The following LZTS1 variants were observed in gnomAD, a reference collection of about 807,000 sequenced individuals.
The protein encoded by LZTS1 is leucine zipper putative tumor suppressor 1.
LZTS1 carries 31 observed loss-of-function variants against 45.8 expected under a neutral mutation model. The ratio of observed to expected loss-of-function variants is 0.68; its 90% CI spans 0.51 to 0.91. LZTS1 has a LOEUF of 0.91. Among genes scored for constraint, LZTS1 ranks in the 40% least tolerant of loss-of-function variants. LZTS1 has a pLI of 0.00. For synonymous variants in LZTS1, 359 were observed against 357.3 expected (o/e 1.00, Z -0.05); for missense variants, 821 against 788.9 (o/e 1.04, Z -0.49).
Position 20,250,103 on chromosome 8 carries a change from CAGG to C in LZTS1, c.1407_1409del (p.Asn469_Leu470delinsLys). On this transcript the variant is annotated inframe_deletion, in exon 4 of 4. Transcript: ENST00000381569. Reference sequence around the variant, plus strand: ...GCAGCTCCTGCAGCTCCTGCTCCAGCAGGTTCACCTTCTCCCGCAGCAGCTCCG... The same window carrying C: ...GCAGCTCCTGCAGCTCCTGCTCCAGCTTCACCTTCTCCCGCAGCAGCTCCG... The C allele has an allele frequency of 6.2e-7, 1 of 1,607,342 alleles. No individual in the cohort carries two copies. Among genetic ancestry groups the C allele is most frequent in the Non-Finnish European group, 8.5e-7 (1 of 1,179,356 alleles).
chr8:20,246,182 G>A lies in LZTS1; in HGVS notation c.*3540C>T, dbSNP rs373554097. ...CGTGGCTCTAGAGGGCGTGAGAAAT[G>A]GCATTCTTTATTCATAAATAAAAAC... is the stretch of plus-strand genomic sequence containing the variant. On this transcript the variant is annotated 3_prime_UTR_variant, in exon 4 of 4. Coordinates refer to ENST00000381569, the MANE Select transcript of LZTS1 (RefSeq NM_021020.5). 2.6e-4 allele frequency: 39 copies of A among 152,756 alleles called. No individual in the cohort carries two copies. Among genetic ancestry groups the A allele is most frequent in the African/African-American group, 9.4e-4 (39 of 41,564 alleles). The allele number at this position is 152,756 out of a possible 1,614,324, so 9.5% of individuals were successfully genotyped here.
chr8:20,269,131 A>G (rs767778104), intron 1 of LZTS1, among the ~76,000 whole-genome samples: 6 of 152,150 alleles, frequency 3.9e-5, no homozygotes, highest in Non-Finnish European at 7.4e-5. Context: ...AGCTCATGCA[A>G]ATTTCACCCT....
intron 1 of LZTS1, among the ~76,000 whole-genome samples, chr8:20,273,379 T>C (rs1179913929): frequency 6.6e-6 from 1 of 152,150 alleles, no homozygotes; most frequent in African/African-American, 2.4e-5. Context: ...TTTAGATCGT[T>C]ATCTGCAGCC....
intron 1 of LZTS1, chr8:20,290,413 G>A (rs1255735099): frequency 6.6e-6 from 1 of 152,322 alleles, no homozygotes. Context: ...GAGAAGGAAG[G>A]CAATACGGAG....
rs149934548 is a variant in LZTS1, at chr8:20,252,743, C to T, written c.1149+39G>A. 9,277 of 1,478,390 alleles carry T rather than the reference C, an allele frequency of 6.3e-3. 36 individuals carry two copies. Among genetic ancestry groups the T allele is most frequent in the Non-Finnish European group, 7.6e-3 (8,442 of 1,111,976 alleles). The allele number at this position is 1,478,390 out of a possible 1,614,324, so 91.6% of individuals were successfully genotyped here. A position where few individuals can be genotyped will look rare whatever the true frequency, so the allele number is the denominator to read the frequency against. On this transcript the variant is annotated intron_variant, in intron 3 of 3. Coordinates refer to ENST00000381569, the MANE Select transcript of LZTS1 (RefSeq NM_021020.5). ...GGAGAGGGGGGTACTGGCGCCAAAC[C>T]GCTGACCACCCAAACCCATGAGCCC...
At chr8:20,302,284 A>G (rs997982747) in intron 1 of LZTS1, among the ~76,000 whole-genome samples, 5 of 152,128 alleles carry the variant, frequency 3.3e-5, no homozygotes, top group African/African-American at 1.2e-4. Flanking sequence ...GCCACGCCTG[A>G]TTAGCCTGCA....
rs1429838769 is a variant in LZTS1, at chr8:20,251,130, TATATATATATATATATATAA to T, written c.1150-787_1150-768del. On this transcript the variant is annotated intron_variant, in intron 3 of 3. Coordinates refer to ENST00000381569, the MANE Select transcript of LZTS1 (RefSeq NM_021020.5). The stretch of plus-strand genomic sequence containing the variant: ...ATATATATATATATATATATATATA[TATATATATATATATATATAA>T]AATATAAAGTATAAGAGTAGAGATT... Among the ~76,000 whole-genome samples, 214 of 30,834 alleles carry T rather than the reference TATATATATATATATATATAA, an allele frequency of 6.9e-3. 6 individuals are homozygous for T. The highest frequency in any genetic ancestry group is 0.018 in the African/African-American group (138 of 7,872). 20.2% of individuals were successfully genotyped at this position (30,834 alleles called of 152,430 possible). A position where few individuals can be genotyped will look rare whatever the true frequency, so the allele number is the denominator to read the frequency against.
intron 1 of LZTS1, among the ~76,000 whole-genome samples, chr8:20,288,134 G>A (rs767672672): frequency 1.3e-5 from 2 of 152,130 alleles, no homozygotes; most frequent in Admixed American, 1.3e-4. Flanking sequence ...TCAAAGAGGA[G>A]TGAAGCTTTC....
intron 1 of LZTS1, among the ~76,000 whole-genome samples, chr8:20,291,287 C>G (rs1170176549): frequency 6.6e-6 from 1 of 152,156 alleles, no homozygotes; most frequent in Non-Finnish European, 1.5e-5. Context: ...CCGCAGGCAG[C>G]ACAACCTGAC....
chr8:20,284,039 G>A (rs954937974), intron 1 of LZTS1, among the ~76,000 whole-genome samples: 4 of 152,192 alleles, frequency 2.6e-5, no homozygotes, highest in African/African-American at 7.2e-5. Context: ...AATGACAATG[G>A]ACTGGAGGTC....
chr8:20,252,438 G>C (rs1232199081), intron 3 of LZTS1, among the ~76,000 whole-genome samples: 1 of 152,174 alleles, frequency 6.6e-6, no homozygotes, highest in African/African-American at 2.4e-5. Flanking sequence ...GGCACGGCTT[G>C]TTCTTCTTCT....
intron 1 of LZTS1, among the ~76,000 whole-genome samples, chr8:20,273,545 G>T (rs749431355): frequency 6.6e-6 from 1 of 152,050 alleles, no homozygotes; most frequent in Non-Finnish European, 1.5e-5. Context: ...TGGAATCCCG[G>T]TGTTAGTGAA....
At chr8:20,274,897 C>T (rs1800545595) in intron 1 of LZTS1, among the ~76,000 whole-genome samples, 1 of 151,816 alleles carries the variant, frequency 6.6e-6, no homozygotes, top group African/African-American at 2.4e-5. Flanking sequence ...ACCCTTGGTC[C>T]CTCACTGAGT....
At chr8:20,260,206 C>A (rs1473604805) in intron 1 of LZTS1, among the ~76,000 whole-genome samples, 2 of 152,138 alleles carry the variant, frequency 1.3e-5, no homozygotes, top group Non-Finnish European at 2.9e-5. Context: ...CCAGTCATAT[C>A]TTATTTTATT....
At chr8:20,297,674 C>G (rs1800999003) in intron 1 of LZTS1, among the ~76,000 whole-genome samples, 1 of 152,110 alleles carries the variant, frequency 6.6e-6, no homozygotes, top group Non-Finnish European at 1.5e-5. Context: ...CCTTGGCCTC[C>G]TAAATTGCTG....
intron 3 of LZTS1, among the ~76,000 whole-genome samples, chr8:20,251,921 G>A (rs969259673): frequency 1.3e-5 from 2 of 152,176 alleles, no homozygotes; most frequent in African/African-American, 4.8e-5. Context: ...CCAGCAGTGG[G>A]CAAGTTAAAC....
At position 20,249,612 on chromosome 8, in the gene LZTS1, C is replaced by T; in HGVS notation, c.*110G>A. ...CCCTCGGGGGTCCTGGGTCTGTGTC[C>T]CAGGGAGTGGCGTCTCTCAGAGGGG... On this transcript the variant is annotated 3_prime_UTR_variant, in exon 4 of 4. Coordinates refer to ENST00000381569, the MANE Select transcript of LZTS1 (RefSeq NM_021020.5). 7.3e-7 allele frequency: 1 copy of T among 1,374,976 alleles called. No homozygotes were observed. The highest frequency in any genetic ancestry group is 9.8e-7 in the Non-Finnish European group (1 of 1,022,602). The allele number at this position is 1,374,976 out of a possible 1,614,324, so 85.2% of individuals were successfully genotyped here.
chr8:20,258,367 TTTTTAA>T (rs1800154044), intron 1 of LZTS1, among the ~76,000 whole-genome samples: 1 of 152,072 alleles, frequency 6.6e-6, no homozygotes, highest in Admixed American at 6.6e-5. Flanking sequence ...CTGACTCTGT[TTTTTAA>T]TTTTAATTTT....
At chr8:20,264,908 C>T (rs1290323453) in intron 1 of LZTS1, among the ~76,000 whole-genome samples, 1 of 152,136 alleles carries the variant, frequency 6.6e-6, no homozygotes, top group East Asian at 1.9e-4. Flanking sequence ...AAGAGCAGCC[C>T]CTGATCTACC....
Sources: gnomAD v4.1 joint callset for allele counts (sites outside exome capture counted in the v4.1 genomes callset) on GRCh38, gnomAD v4.1.1 for gene constraint, MANE v1.5 for transcripts, NCBI Gene and HGNC (gene_info 2026-07-23, HGNC 2026-07-21) for gene names.